Variants in AFF2 observed in about 807,000 individuals in gnomAD.
The protein encoded by AFF2 is AF4/FMR2 family member 2.
Under a neutral mutation model 76.9 loss-of-function variants are expected in AFF2, and 14 were observed. The ratio of observed to expected loss-of-function variants is 0.18; its 90% CI spans 0.12 to 0.28. AFF2 has a LOEUF of 0.28. Among genes scored for constraint, AFF2 ranks in the 10% least tolerant of loss-of-function variants. AFF2 has a pLI of 1.00. For synonymous variants in AFF2, 398 were observed against 366.7 expected (o/e 1.09, Z -0.98); for missense variants, 868 against 1,001.1 (o/e 0.87, Z 1.79).
chrX:148,546,873 A>G (rs1348867008), intron 1 of AFF2: 1 of 112,143 alleles, frequency 8.9e-6, no homozygotes, highest in Non-Finnish European at 1.9e-5. Context: ...GCCATATGCA[A>G]AAAAGATATT....
intron 3 of AFF2, among the ~76,000 whole-genome samples, chrX:148,794,994 C>A (rs1223967790): frequency 3.6e-5 from 4 of 111,870 alleles, no homozygotes; most frequent in Non-Finnish European, 7.5e-5. Context: ...TCTTTTTCAT[C>A]TTAAAAAATG....
chrX:148,765,386 A>C (rs2069501207), intron 3 of AFF2, among the ~76,000 whole-genome samples: 2 of 111,565 alleles, frequency 1.8e-5, no homozygotes, highest in Admixed American at 1.9e-4. Flanking sequence ...AATGATGCAT[A>C]TTATTGTAGA....
intron 1 of AFF2, among the ~76,000 whole-genome samples, chrX:148,501,582 G>T (rs1301882518): frequency 1.8e-5 from 2 of 113,222 alleles, no homozygotes; most frequent in African/African-American, 3.2e-5. Flanking sequence ...GCCAGGTGCG[G>T]CCAGCAGCCC....
At chrX:148,738,282 A>G (rs1168964750) in intron 3 of AFF2, among the ~76,000 whole-genome samples, 1 of 111,168 alleles carries the variant, frequency 9.0e-6, no homozygotes, top group African/African-American at 3.3e-5. Context: ...TTAAATTACC[A>G]TTTCAATCTC....
At chrX:148,875,642 T>C (rs150176635) in intron 7 of AFF2, among the ~76,000 whole-genome samples, 146 of 111,934 alleles carry the variant, frequency 1.3e-3, no homozygotes, top group Non-Finnish European at 2.1e-3. Flanking sequence ...CATACTAAAA[T>C]ATACCTTAGA....
intron 3 of AFF2, among the ~76,000 whole-genome samples, chrX:148,805,732 T>C (rs1228460482): frequency 1.8e-5 from 2 of 112,924 alleles, no homozygotes; most frequent in African/African-American, 6.4e-5. Flanking sequence ...GTGTGGTCTC[T>C]CTGTGGCTAC....
intron 3 of AFF2, among the ~76,000 whole-genome samples, chrX:148,722,846 C>T (rs984415731): frequency 5.4e-5 from 6 of 111,008 alleles, no homozygotes; most frequent in Non-Finnish European, 1.1e-4. Context: ...CTTTGTATAC[C>T]CCAGTCCTCT....
intron 4 of AFF2, among the ~76,000 whole-genome samples, chrX:148,837,002 T>G (rs1381071934): frequency 8.9e-6 from 1 of 111,975 alleles, no homozygotes; most frequent in Non-Finnish European, 1.9e-5. Flanking sequence ...ACCCACAGTA[T>G]GTGCATCATG....
chrX:148,879,875 G>A (rs1306071503), intron 7 of AFF2, among the ~76,000 whole-genome samples: 1 of 111,643 alleles, frequency 9.0e-6, no homozygotes, highest in Non-Finnish European at 1.9e-5. Context: ...TAGACTAGAT[G>A]GCCCCTAAGG....
intron 1 of AFF2, among the ~76,000 whole-genome samples, chrX:148,505,949 GTGTGTC>G (rs1344613212): frequency 1.0e-5 from 1 of 95,367 alleles, no homozygotes; most frequent in African/African-American, 4.1e-5. Context: ...TTTTGAGTGT[GTGTGTC>G]TGTGTGTGTG....
chrX:148,838,049 C>T (rs942376972), intron 5 of AFF2, among the ~76,000 whole-genome samples: 4 of 111,550 alleles, frequency 3.6e-5, no homozygotes, highest in Admixed American at 9.5e-5. Context: ...GGAACAGCAA[C>T]GTTCAAGATT....
At chrX:148,707,927 T>C (rs1384024159) in intron 3 of AFF2, among the ~76,000 whole-genome samples, 2 of 111,947 alleles carry the variant, frequency 1.8e-5, no homozygotes, top group Non-Finnish European at 3.8e-5. Flanking sequence ...CAAATTTTAA[T>C]GGTGGTAATG....
At chrX:148,976,085 T>C in intron 16 of AFF2, among the ~76,000 whole-genome samples, 1 of 111,433 alleles carries the variant, frequency 9.0e-6, no homozygotes, top group Non-Finnish European at 1.9e-5. Context: ...TATGTTTTAT[T>C]ATATGCTATT....
chrX:148,991,488 T>A lies in AFF2; in HGVS notation c.*156T>A. 2.9e-6 allele frequency: 2 copies of A among 679,701 alleles called. No individual in the cohort carries two copies. The highest frequency in any genetic ancestry group is 4.1e-6 in the Non-Finnish European group (2 of 489,580). 56.0% of individuals were successfully genotyped at this position (679,701 alleles called of 1,213,427 possible). A position where few individuals can be genotyped will look rare whatever the true frequency, so the allele number is the denominator to read the frequency against. On this transcript the variant is annotated 3_prime_UTR_variant, in exon 21 of 21. Transcript: ENST00000370460. ...TATCTGTAAAAAACAGAAGTCATTG[T>A]AAGTTGACACTACAACTTAAGGGCA...
intron 1 of AFF2, among the ~76,000 whole-genome samples, chrX:148,610,874 A>G (rs1052561421): frequency 5.4e-5 from 6 of 111,964 alleles, no homozygotes; most frequent in Non-Finnish European, 1.1e-4. Flanking sequence ...TTATTTCTCT[A>G]TATAGGCATC....
intron 1 of AFF2, among the ~76,000 whole-genome samples, chrX:148,523,570 A>T (rs2052623895): frequency 8.9e-6 from 1 of 112,251 alleles, no homozygotes; most frequent in Non-Finnish European, 1.9e-5. Flanking sequence ...GCATAGATAG[A>T]GATGTTAGCA....
intron 9 of AFF2, among the ~76,000 whole-genome samples, chrX:148,928,250 A>G (rs1440464568): frequency 8.9e-6 from 1 of 112,521 alleles, no homozygotes; most frequent in African/African-American, 3.2e-5. Context: ...GGTTCATAAT[A>G]TAACCATACA....
chrX:148,537,525 T>G (rs781814218), intron 1 of AFF2, among the ~76,000 whole-genome samples: 3 of 86,487 alleles, frequency 3.5e-5, no homozygotes, highest in African/African-American at 8.5e-5. Flanking sequence ...GAAATTTGTT[T>G]CTAAATTTTG....
chrX:148,679,882 A>G (rs916069734), intron 3 of AFF2, among the ~76,000 whole-genome samples: 2 of 112,549 alleles, frequency 1.8e-5, no homozygotes, highest in African/African-American at 6.5e-5. Context: ...AAAATAAGCC[A>G]TTCACATGAC....
Sources: gnomAD v4.1 joint callset for allele counts (sites outside exome capture counted in the v4.1 genomes callset) on GRCh38, gnomAD v4.1.1 for gene constraint, MANE v1.5 for transcripts, NCBI Gene and HGNC (gene_info 2026-07-23, HGNC 2026-07-21) for gene names.